BLTP3B: variants seen among roughly 807,000 people sequenced by gnomAD.
BLTP3B encodes bridge-like lipid transfer protein family member 3B.
At chr12:100,098,919 C>CAGATAGATAGATAGATAGATAGAT in the BLTP3B span, among the ~76,000 whole-genome samples, 1,167 of 139,822 alleles carry the variant, frequency 8.3e-3, 16 homozygotes, top group African/African-American at 0.029. Context: ...AAAATATAGA[C>CAGATAGATAGATAGATAGATAGAT]AGATAGATAG....
chr12:100,139,292 C>T, the BLTP3B span, among the ~76,000 whole-genome samples: 1 of 152,132 alleles, frequency 6.6e-6, no homozygotes, highest in Non-Finnish European at 1.5e-5. Context: ...AGAACAATTC[C>T]TCTTCCATAC....
chr12:100,082,956 G>C, the BLTP3B span: 1 of 1,202,420 alleles, frequency 8.3e-7, no homozygotes, highest in Non-Finnish European at 1.2e-6. Flanking sequence ...TGTTATTTAA[G>C]TTGCTTAGAT....
chr12:100,117,738 C>T, the BLTP3B span, among the ~76,000 whole-genome samples: 7 of 152,066 alleles, frequency 4.6e-5, no homozygotes, highest in Non-Finnish European at 1.0e-4. Context: ...TGGGCTCAAG[C>T]AATCCTCCTG....
the BLTP3B span, among the ~76,000 whole-genome samples, chr12:100,104,996 A>G: frequency 1.7e-4 from 26 of 152,282 alleles, no homozygotes; most frequent in Non-Finnish European, 2.5e-4. Flanking sequence ...AGATGACATA[A>G]GCAAATGGAA....
the BLTP3B span, among the ~76,000 whole-genome samples, chr12:100,108,110 C>G: frequency 6.9e-6 from 1 of 145,628 alleles, no homozygotes; most frequent in Admixed American, 6.7e-5. Flanking sequence ...TGAACATGTA[C>G]CAAATGGATG....
the BLTP3B span, chr12:100,059,523 G>A: frequency 6.3e-7 from 1 of 1,589,858 alleles, no homozygotes; most frequent in Non-Finnish European, 8.5e-7. Context: ...CACTTCAGAA[G>A]GAATGACAAA....
the BLTP3B span, among the ~76,000 whole-genome samples, chr12:100,080,422 A>G: frequency 6.7e-6 from 1 of 150,102 alleles, no homozygotes; most frequent in South Asian, 2.1e-4. Context: ...GCGCGATCTC[A>G]GCTCACTGTA....
chr12:100,071,418 G>T, the BLTP3B span, among the ~76,000 whole-genome samples: 1 of 150,318 alleles, frequency 6.7e-6, no homozygotes, highest in Non-Finnish European at 1.5e-5. Flanking sequence ...AATTGTTTGG[G>T]CCCGGGAGGC....
At chr12:100,104,747 A>C in the BLTP3B span, among the ~76,000 whole-genome samples, 1 of 152,010 alleles carries the variant, frequency 6.6e-6, no homozygotes, top group South Asian at 2.1e-4. Flanking sequence ...AGGCTCTTAG[A>C]TCTAATAAAT....
chr12:100,091,645 G>C, the BLTP3B span, among the ~76,000 whole-genome samples: 1 of 148,922 alleles, frequency 6.7e-6, no homozygotes, highest in Non-Finnish European at 1.5e-5. Flanking sequence ...TGGGAGTATA[G>C]GCACCCGCCA....
chr12:100,111,964 A>T, the BLTP3B span, among the ~76,000 whole-genome samples: 1 of 151,642 alleles, frequency 6.6e-6, no homozygotes, highest in Admixed American at 6.6e-5. Flanking sequence ...CTGATATCGA[A>T]TCCCTGGGGT....
chr12:100,101,657 T>C, the BLTP3B span, among the ~76,000 whole-genome samples: 22 of 152,244 alleles, frequency 1.4e-4, no homozygotes, highest in African/African-American at 5.3e-4. Flanking sequence ...TTCTAACTTT[T>C]CAAAAAGACT....
chr12:100,142,819 A>T, the BLTP3B span: 3 of 826,536 alleles, frequency 3.6e-6, no homozygotes, highest in Non-Finnish European at 3.5e-6. Flanking sequence ...CATCACGCTC[A>T]GGCCGCCACG....
the BLTP3B span, among the ~76,000 whole-genome samples, chr12:100,063,855 T>C: frequency 6.6e-6 from 1 of 151,906 alleles, no homozygotes; most frequent in Non-Finnish European, 1.5e-5. Context: ...GAAAAACAAC[T>C]CTGGTAATAT....
At chr12:100,059,354 G>A in the BLTP3B span, 1 of 1,613,906 alleles carries the variant, frequency 6.2e-7, no homozygotes, top group Non-Finnish European at 8.5e-7. Flanking sequence ...TGGGGAAGCT[G>A]GTATATGTTT....
the BLTP3B span, among the ~76,000 whole-genome samples, chr12:100,117,648 GCAC>G: frequency 2.0e-5 from 3 of 151,668 alleles, no homozygotes; most frequent in Middle Eastern, 0.01. Context: ...AACATGCCCA[GCAC>G]CACCACGTCC....
the BLTP3B span, among the ~76,000 whole-genome samples, chr12:100,101,484 G>A: frequency 6.6e-6 from 1 of 152,026 alleles, no homozygotes; most frequent in African/African-American, 2.4e-5. Context: ...GCTATTTTAC[G>A]CAATATGAGG....
the BLTP3B span, among the ~76,000 whole-genome samples, chr12:100,045,454 C>T: frequency 9.2e-5 from 14 of 152,188 alleles, no homozygotes; most frequent in South Asian, 1.7e-3. Flanking sequence ...CTTTGACAAA[C>T]CTGACAAAAA....
the BLTP3B span, chr12:100,059,300 T>C: frequency 6.2e-7 from 1 of 1,614,072 alleles, no homozygotes; most frequent in Non-Finnish European, 8.5e-7. Context: ...CATGAGCATG[T>C]CTCTGGAAAA....
Sources: gnomAD v4.1 joint callset for allele counts (sites outside exome capture counted in the v4.1 genomes callset) on GRCh38, gnomAD v4.1.1 for gene constraint, MANE v1.5 for transcripts, NCBI Gene and HGNC (gene_info 2026-07-23, HGNC 2026-07-21) for gene names.